ATF6: variants seen among roughly 807,000 people sequenced by gnomAD.
ATF6 encodes the protein cyclic AMP-dependent transcription factor ATF-6 alpha.
In ATF6, 53 loss-of-function variants were observed where a neutral mutation model predicts 83.6. The observed-to-expected ratio is 0.63, with a 90% CI of 0.51 to 0.80. The LOEUF (loss-of-function observed/expected upper bound fraction) is 0.80, where lower values mean the gene tolerates loss of function less well. Among genes scored for constraint, ATF6 ranks in the 30% least tolerant of loss-of-function variants. The pLI is 0.00. For missense variants in ATF6, 744 were observed against 797.9 expected, an observed-to-expected ratio of 0.93 and a Z score of 0.81; for synonymous variants, 288 against 285.8, an observed-to-expected ratio of 1.01 and a Z score of -0.08.
chr1:161,856,606 T>A (rs1326876467), intron 12 of ATF6, among the ~76,000 whole-genome samples: 2 of 152,172 alleles, frequency 1.3e-5, no homozygotes, highest in African/African-American at 4.8e-5. Flanking sequence ...TTCCATCCTT[T>A]GCTACACAGA....
chr1:161,865,990 A>T (rs1037179887), intron 14 of ATF6, among the ~76,000 whole-genome samples: 1 of 152,150 alleles, frequency 6.6e-6, no homozygotes, highest in Non-Finnish European at 1.5e-5. Context: ...CTTTCAATAT[A>T]AAATATTCTA....
intron 9 of ATF6, among the ~76,000 whole-genome samples, chr1:161,828,628 A>G (rs950743527): frequency 1.4e-4 from 22 of 152,182 alleles, no homozygotes; most frequent in African/African-American, 5.3e-4. Flanking sequence ...GTTATTAAGT[A>G]CCTATCTTGG....
chr1:161,868,484 T>A (rs568813538), intron 14 of ATF6, among the ~76,000 whole-genome samples: 3 of 152,178 alleles, frequency 2.0e-5, no homozygotes, highest in Non-Finnish European at 4.4e-5. Context: ...CATCTTCTCA[T>A]CTATATGATA....
At chr1:161,930,013 A>G (rs1007716252) in intron 15 of ATF6, among the ~76,000 whole-genome samples, 2 of 152,176 alleles carry the variant, frequency 1.3e-5, no homozygotes, top group Non-Finnish European at 2.9e-5. Flanking sequence ...CCTGTAAGCA[A>G]GGAGTTCAGT....
At chr1:161,912,550 TA>T (rs1051015030) in intron 15 of ATF6, among the ~76,000 whole-genome samples, 170 bp downstream of exon 15, 2 of 152,126 alleles carry the variant, frequency 1.3e-5, no homozygotes, top group Non-Finnish European at 2.9e-5. Context: ...ATTATTCTTT[TA>T]AAAAAAATTA....
intron 13 of ATF6, among the ~76,000 whole-genome samples, chr1:161,862,184 A>G (rs1366668548): frequency 6.6e-6 from 1 of 152,218 alleles, no homozygotes; most frequent in African/African-American, 2.4e-5. Flanking sequence ...AACTATCACA[A>G]AATAGCAAGA....
chr1:161,908,778 T>C (rs1369918376), intron 14 of ATF6, among the ~76,000 whole-genome samples: 1 of 152,228 alleles, frequency 6.6e-6, no homozygotes, highest in Non-Finnish European at 1.5e-5. Flanking sequence ...TTTTTATTTT[T>C]AAGTAGTTTC....
intron 9 of ATF6, among the ~76,000 whole-genome samples, chr1:161,835,672 A>G (rs918416083): frequency 1.3e-5 from 2 of 152,222 alleles, no homozygotes; most frequent in Non-Finnish European, 2.9e-5. Context: ...ACCTCTGTAT[A>G]GATAGGTTTG....
intron 13 of ATF6, among the ~76,000 whole-genome samples, chr1:161,862,468 T>G (rs555151083): frequency 2.6e-5 from 4 of 152,322 alleles, no homozygotes; most frequent in East Asian, 1.9e-4. Context: ...CTGTATTTTT[T>G]GGGGCATGAT....
intron 1 of ATF6, among the ~76,000 whole-genome samples, chr1:161,777,305 G>C (rs981793598): frequency 1.8e-4 from 27 of 152,190 alleles, no homozygotes; most frequent in African/African-American, 6.5e-4. Context: ...AGTCTTTTCT[G>C]AGAGTCATGT....
Position 161,960,636 on chromosome 1 carries a change from C to T in ATF6, c.*1982C>T, listed in dbSNP as rs1689077638. Reference sequence around the variant, plus strand: ...CTGGAGTTTGAAAAGTGCTAATTAACCTTCCTCTTTTTCCACATTACAAAC... The same window carrying T: ...CTGGAGTTTGAAAAGTGCTAATTAATCTTCCTCTTTTTCCACATTACAAAC... On this transcript the variant is annotated 3_prime_UTR_variant, in exon 16 of 16. Transcript: ENST00000367942. 1 of 152,180 alleles carries T rather than the reference C, an allele frequency of 6.6e-6. No homozygotes were observed. Among genetic ancestry groups the T allele is most frequent in the Non-Finnish European group, 1.5e-5 (1 of 68,030 alleles). The allele number at this position is 152,180 out of a possible 1,614,324, so 9.4% of individuals were successfully genotyped here.
At chr1:161,935,450 C>T (rs1446868715) in intron 15 of ATF6, among the ~76,000 whole-genome samples, 1 of 152,136 alleles carries the variant, frequency 6.6e-6, no homozygotes, top group East Asian at 1.9e-4. Context: ...GGAAGCAAAC[C>T]CTCACCAGAC....
intron 9 of ATF6, among the ~76,000 whole-genome samples, chr1:161,824,539 T>C (rs2101790264): frequency 6.6e-6 from 1 of 152,310 alleles, no homozygotes. Flanking sequence ...GTATGCTATG[T>C]AACTTATTTA....
intron 15 of ATF6, among the ~76,000 whole-genome samples, chr1:161,932,596 T>A (rs1442192156): frequency 6.6e-6 from 1 of 152,242 alleles, no homozygotes; most frequent in East Asian, 1.9e-4. Context: ...TCTACTTCAT[T>A]AAAATGTTAT....
chr1:161,918,380 A>G (rs1283793688), intron 15 of ATF6, among the ~76,000 whole-genome samples: 1 of 152,196 alleles, frequency 6.6e-6, no homozygotes, highest in Admixed American at 6.5e-5. Flanking sequence ...TTCAGAGTGA[A>G]TTGAAATTAT....
At chr1:161,894,232 T>G (rs1410127618) in intron 14 of ATF6, among the ~76,000 whole-genome samples, 4 of 150,670 alleles carry the variant, frequency 2.7e-5, no homozygotes, top group East Asian at 1.9e-4. Context: ...CAGGTGTTTT[T>G]TTTTTTTTTT....
rs1686923864 is a variant in ATF6 at position 161,863,277 on chromosome 1, A to G, written c.1684A>G (p.Arg562Gly). The change falls in exon 14 of 16, where the codon AGG becomes GGG. Residue 562 changes from arginine to glycine, a missense_variant. Physicochemically the swap from Arg to Gly is moderately radical, Grantham distance 125. Transcript: ENST00000367942. ...AGACTTTTTTGAAGCCATCCGCAGA[A>G]GGGGAGACACATTTTATGTTGTGTC... ...YQDFFEAIRR[R>G]GDTFYVVSFR... 1.2e-5 allele frequency: 19 copies of G among 1,612,782 alleles called. No homozygotes were observed. The highest frequency in any genetic ancestry group is 1.6e-5 in the Non-Finnish European group (19 of 1,178,852).
chr1:161,779,466 A>G (rs1026948074), intron 2 of ATF6, among the ~76,000 whole-genome samples: 2 of 152,330 alleles, frequency 1.3e-5, no homozygotes, highest in South Asian at 4.1e-4. Context: ...CCAAACGGCA[A>G]TAGAATTTCC....
chr1:161,903,762 A>G (rs1314174957), intron 14 of ATF6, among the ~76,000 whole-genome samples: 1 of 152,214 alleles, frequency 6.6e-6, no homozygotes, highest in African/African-American at 2.4e-5. Flanking sequence ...CTACAGCTAG[A>G]AATTAAGTGA....
Sources: allele counts gnomAD v4.1 joint callset (sites outside exome capture counted in the v4.1 genomes callset), GRCh38; gene constraint gnomAD v4.1.1; transcripts MANE v1.5; gene names NCBI Gene and HGNC (gene_info 2026-07-23, HGNC 2026-07-21).